Variants in MALSU1 observed in about 807,000 individuals in gnomAD.
MALSU1 encodes mitochondrial assembly of ribosomal large subunit protein 1.
In MALSU1, 22 loss-of-function variants were observed where a neutral mutation model predicts 22.1. The ratio of observed to expected loss-of-function variants is 1.00; its 90% confidence interval spans 0.71 to 1.42. The LOEUF is 1.42. Among genes scored for constraint, MALSU1 ranks in the 40% most tolerant of loss-of-function variants. The probability of loss-of-function intolerance (pLI) is 0.00; values close to 1 mark genes in which losing one functional copy is unlikely to be tolerated. For missense variants in MALSU1, 379 were observed against 308.3 expected (o/e 1.23, Z -1.72); for synonymous variants, 153 against 118.5 (o/e 1.29, Z -1.89).
intron 2 of MALSU1, among the ~76,000 whole-genome samples, chr7:23,303,844 A>G (rs1010083238): frequency 3.3e-5 from 5 of 150,014 alleles, no homozygotes; most frequent in Non-Finnish European, 3.0e-5. Flanking sequence ...CTGGGTTCAC[A>G]CTTGTAATCC....
intron 2 of MALSU1, among the ~76,000 whole-genome samples, chr7:23,303,584 C>A (rs966569141): frequency 5.3e-5 from 8 of 151,882 alleles, no homozygotes; most frequent in Non-Finnish European, 7.4e-5. Flanking sequence ...ATTGCTTGAG[C>A]TCAGAAGTTT....
intron 2 of MALSU1, among the ~76,000 whole-genome samples, chr7:23,304,184 A>G (rs1783694383): frequency 1.3e-5 from 2 of 152,056 alleles, no homozygotes; most frequent in East Asian, 1.9e-4. Flanking sequence ...GCTGGATCAT[A>G]TAGTGATTCT....
rs576131262 is a variant in MALSU1, at chr7:23,310,842, G to C, written c.*1299G>C. 2.6e-5 allele frequency: 4 copies of C among 151,934 alleles called. No homozygotes were observed. The highest frequency in any genetic ancestry group is 9.7e-5 in the African/African-American group (4 of 41,404). 9.4% of individuals were successfully genotyped at this position (151,934 alleles called of 1,614,324 possible). The stretch of plus-strand genomic sequence containing the variant: ...TCCTTTAGATCAGTGTAACATGACT[G>C]TGATCATCTTACAAACAAAACTCAA... On this transcript the variant is annotated 3_prime_UTR_variant, in exon 4 of 4. Coordinates refer to ENST00000466681, the MANE Select transcript of MALSU1 (RefSeq NM_138446.2).
intron 1 of MALSU1, among the ~76,000 whole-genome samples, chr7:23,300,075 A>C (rs1195038570): frequency 6.6e-6 from 1 of 152,118 alleles, no homozygotes; most frequent in Non-Finnish European, 1.5e-5. Flanking sequence ...ACATCTAAGA[A>C]TGTAGAGTAT....
Position 23,299,392 on chromosome 7 carries a change from C to G in MALSU1, c.40C>G (p.Leu14Val), listed in dbSNP as rs1583856217. 1.9e-6 allele frequency: 3 copies of G among 1,596,754 alleles called. No individual in the cohort carries two copies. The highest frequency in any genetic ancestry group is 1.1e-5 in the South Asian group (1 of 90,446). Residue 14 changes from leucine (L) to valine (V), a missense_variant, in exon 1 of 4, where the codon CTA (leucine) becomes GTA (valine). By Grantham distance (32) the Leu-to-Val change is conservative (BLOSUM62 1). Coordinates refer to ENST00000466681, the MANE Select transcript of MALSU1 (RefSeq NM_138446.2). ...GGRVARLLAP[L>V]MWRRAVSSVA... Reference sequence around the variant, plus strand: ...CCGTGTGGCGCGGCTGCTCGCCCCACTAATGTGGCGCAGGGCGGTTTCCTC... The same window carrying G: ...CCGTGTGGCGCGGCTGCTCGCCCCAGTAATGTGGCGCAGGGCGGTTTCCTC...
At chr7:23,305,391 T>C (rs984022701) in intron 2 of MALSU1, among the ~76,000 whole-genome samples, 7 of 150,464 alleles carry the variant, frequency 4.7e-5, no homozygotes, top group African/African-American at 1.7e-4. Flanking sequence ...AGAGTCCATA[T>C]AATTTTTTTT....
intron 2 of MALSU1, among the ~76,000 whole-genome samples, chr7:23,303,993 C>T (rs551126921): frequency 7.1e-4 from 108 of 151,848 alleles, no homozygotes; most frequent in Middle Eastern, 6.8e-3. Flanking sequence ...GTAATCCCAG[C>T]TACTTGGGAG....
rs1337598706 is a variant in MALSU1 at position 23,310,731 on chromosome 7, C to A, written c.*1188C>A. The A allele has an allele frequency of 6.6e-6, 1 of 152,096 alleles. No individual in the cohort carries two copies. The highest frequency in any genetic ancestry group is 1.5e-5 in the Non-Finnish European group (1 of 68,038). The allele number at this position is 152,096 out of a possible 1,614,324, so 9.4% of individuals were successfully genotyped here. A position where few individuals can be genotyped will look rare whatever the true frequency, so the allele number is the denominator to read the frequency against. ...ATCATTTTCAAAATGTCTAATTGAT[C>A]TTCAGAAAAACATCTAGTCTGTATA... is the stretch of plus-strand genomic sequence containing the variant. On this transcript the variant is annotated 3_prime_UTR_variant, in exon 4 of 4. Coordinates refer to ENST00000466681, the MANE Select transcript of MALSU1 (RefSeq NM_138446.2).
At chr7:23,303,595 G>C (rs1317536105) in intron 2 of MALSU1, among the ~76,000 whole-genome samples, 1 of 151,938 alleles carries the variant, frequency 6.6e-6, no homozygotes, top group Non-Finnish European at 1.5e-5. Flanking sequence ...TCAGAAGTTT[G>C]AAACCAGCCT....
rs1030022263 is a variant in MALSU1, at chr7:23,305,961, G to T, written c.436-1907G>T. On this transcript the variant is annotated intron_variant, in intron 2 of 3. Coordinates refer to ENST00000466681, the MANE Select transcript of MALSU1 (RefSeq NM_138446.2). ...TGTAATCCTAGCACTTTGGGAGGCC[G>T]AGGCAGGCAGATCACCTGAGATCGG... Among the ~76,000 whole-genome samples the T allele has an allele frequency of 5.6e-4, 86 of 152,286 alleles. 1 individual carries two copies. Among genetic ancestry groups the T allele is most frequent in the African/African-American group, 2.0e-3 (84 of 41,568 alleles).
In MALSU1 at chr7:23,299,495, T is replaced by C; in HGVS notation, c.143T>C (p.Phe48Ser). 6.2e-7 allele frequency: 1 copy of C among 1,611,948 alleles called. No individual in the cohort carries two copies. Among genetic ancestry groups the C allele is most frequent in the Non-Finnish European group, 8.5e-7 (1 of 1,179,854 alleles). ...CAGCGGCTTCCCGTAGGAGCAGCGT[T>C]CTGCCGGGCTTGCCAGACCCCAAAC... ...AVQRLPVGAA[F>S]CRACQTPNFV... is the part of the protein sequence containing the mutation. The change falls in exon 1 of 4, where the codon TTC (phenylalanine) becomes TCC (serine). Residue 48 changes from phenylalanine to serine, a missense_variant. Physicochemically the swap from Phe to Ser is radical, Grantham distance 155. Coordinates refer to ENST00000466681, the MANE Select transcript of MALSU1 (RefSeq NM_138446.2).
chr7:23,308,014 G>T, intron 3 of MALSU1, 65 bp downstream of exon 3: 1 of 1,167,088 alleles, frequency 8.6e-7, no homozygotes. Context: ...ATTGTTTTCA[G>T]TTGCAAAAGG....
chr7:23,302,516 G>A (rs1268976957), intron 2 of MALSU1, among the ~76,000 whole-genome samples: 1 of 152,154 alleles, frequency 6.6e-6, no homozygotes, highest in Non-Finnish European at 1.5e-5. Flanking sequence ...GAGAGATAGG[G>A]AGAGAACTAG....
chr7:23,308,178 A>G (rs1028245372), intron 3 of MALSU1, among the ~76,000 whole-genome samples: 3 of 152,194 alleles, frequency 2.0e-5, no homozygotes, highest in African/African-American at 7.2e-5. Flanking sequence ...GCCCTCCTGG[A>G]GGAAGATATA....
rs1476821765 is a variant in MALSU1 at position 23,311,399 on chromosome 7, CAT to C, written c.*1857_*1858del. ...ACAAAGCATTTATTATGCATTCAAT[CAT>C]GTAGCTAAACAAAAAACTGAAGTCT... On this transcript the variant is annotated 3_prime_UTR_variant, in exon 4 of 4. Transcript: ENST00000466681. 1 of 152,618 alleles carries C rather than the reference CAT, an allele frequency of 6.6e-6. No individual in the cohort carries two copies. Among genetic ancestry groups the C allele is most frequent in the African/African-American group, 2.4e-5 (1 of 41,440 alleles). The allele number at this position is 152,618 out of a possible 1,614,324, so 9.5% of individuals were successfully genotyped here.
At chr7:23,306,150 C>T (rs183556930) in intron 2 of MALSU1, among the ~76,000 whole-genome samples, 46 of 151,840 alleles carry the variant, frequency 3.0e-4, no homozygotes, top group Non-Finnish European at 5.3e-4. Flanking sequence ...GCCGCGATTG[C>T]GCCATTATAG....
In MALSU1 at chr7:23,311,658, T is replaced by G. The variant is rs1266050462; in HGVS notation, c.*2115T>G. ...CTGTCACCAGCCAGAAGTAAAAATC[T>G]TAATTTGCCTGTTAGCTGATTGCTG... is the stretch of plus-strand genomic sequence containing the variant. On this transcript the variant is annotated 3_prime_UTR_variant, in exon 4 of 4. Transcript: ENST00000466681. 6.6e-6 allele frequency: 1 copy of G among 152,598 alleles called. No individual in the cohort carries two copies. The highest frequency in any genetic ancestry group is 1.5e-5 in the Non-Finnish European group (1 of 68,046). The allele number at this position is 152,598 out of a possible 1,614,324, so 9.5% of individuals were successfully genotyped here.
intron 2 of MALSU1, among the ~76,000 whole-genome samples, chr7:23,305,465 T>C (rs1479060417): frequency 1.3e-5 from 2 of 151,620 alleles, no homozygotes; most frequent in African/African-American, 2.4e-5. Context: ...CAATCTCGGC[T>C]CACAGATTCA....
chr7:23,309,253 A>G, intron 3 of MALSU1, 103 bp from the exon 4 acceptor site: 1 of 1,078,834 alleles, frequency 9.3e-7, no homozygotes, highest in Non-Finnish European at 1.3e-6. Flanking sequence ...ACCACACTTG[A>G]GAACCACTGC....
Sources: allele counts gnomAD v4.1 joint callset (sites outside exome capture counted in the v4.1 genomes callset), GRCh38; gene constraint gnomAD v4.1.1; transcripts MANE v1.5; gene names NCBI Gene and HGNC (gene_info 2026-07-23, HGNC 2026-07-21).